The following EPB41L5 variants were observed in gnomAD, a reference collection of about 807,000 sequenced individuals.
EPB41L5 encodes band 4.1-like protein 5.
A neutral mutation model predicts 106.6 loss-of-function variants in EPB41L5; 55 were observed. The ratio of observed to expected loss-of-function variants is 0.52; its 90% CI spans 0.42 to 0.65. The LOEUF (loss-of-function observed/expected upper bound fraction) is 0.65. EPB41L5 is among the 30% of genes least tolerant of loss of function. The pLI is 0.00. For synonymous variants in EPB41L5, 297 were observed against 306.7 expected (o/e 0.97, Z 0.33); for missense variants, 871 against 882.1 (o/e 0.99, Z 0.16).
chr2:120,031,853 G>A (rs909199673), intron 2 of EPB41L5, among the ~76,000 whole-genome samples: 1 of 152,122 alleles, frequency 6.6e-6, no homozygotes, highest in African/African-American at 2.4e-5. Context: ...TTCATTAGAA[G>A]GGCGCAGTGT....
rs1687926106 is a variant in EPB41L5, at chr2:120,176,577, C to T, written c.*1670C>T. 1 of 152,242 alleles carries T rather than the reference C, an allele frequency of 6.6e-6. No homozygotes were observed. The highest frequency in any genetic ancestry group is 2.1e-4 in the South Asian group (1 of 4,834). 9.4% of individuals were successfully genotyped at this position (152,242 alleles called of 1,614,324 possible). A position where few individuals can be genotyped will look rare whatever the true frequency, so the allele number is the denominator to read the frequency against. ...GTCAACACTTCTTGCTGGCTGCCTC[C>T]CCTTAGCCATTATGCTAAAAACAGC... is the stretch of plus-strand genomic sequence containing the variant. On this transcript the variant is annotated 3_prime_UTR_variant, in exon 25 of 25. Transcript: ENST00000263713.
chr2:120,145,464 T>C (rs1293748491), intron 19 of EPB41L5, among the ~76,000 whole-genome samples: 2 of 152,208 alleles, frequency 1.3e-5, no homozygotes, highest in Non-Finnish European at 2.9e-5. Flanking sequence ...ATTCCAATTA[T>C]ATGAAACTGT....
intron 20 of EPB41L5, 179 bp from the exon 21 acceptor site, chr2:120,160,702 G>C (rs529429969): frequency 1.8e-6 from 1 of 564,090 alleles, no homozygotes; most frequent in East Asian, 2.9e-5. Flanking sequence ...CATTTTAACT[G>C]GAGCGAGATG....
At chr2:120,114,562 A>G (rs1052673717) in intron 16 of EPB41L5, among the ~76,000 whole-genome samples, 2 of 152,196 alleles carry the variant, frequency 1.3e-5, no homozygotes, top group African/African-American at 2.4e-5. Context: ...TAACCCCATC[A>G]TCAGTTGAAG....
chr2:120,146,107 CT>C (rs1686391535), intron 19 of EPB41L5, 117 bp from the exon 20 acceptor site: 2 of 645,786 alleles, frequency 3.1e-6, no homozygotes, highest in Non-Finnish European at 2.8e-6. Context: ...GTATGATTAC[CT>C]CTTATTTTAA....
At chr2:120,077,400 G>C in intron 9 of EPB41L5, 84 bp downstream of exon 9, 1 of 1,175,366 alleles carries the variant, frequency 8.5e-7, no homozygotes, top group Non-Finnish European at 1.2e-6. Flanking sequence ...TATGAGGGAG[G>C]GCATGGAGTT....
intron 16 of EPB41L5, chr2:120,105,636 A>G: frequency 1.0e-6 from 1 of 985,306 alleles, no homozygotes. Context: ...TGGCCACTCA[A>G]AGTATTTAGC....
intron 3 of EPB41L5, among the ~76,000 whole-genome samples, chr2:120,051,717 G>A (rs938910370): frequency 6.6e-6 from 1 of 152,228 alleles, no homozygotes; most frequent in African/African-American, 2.4e-5. Flanking sequence ...AAGCCCCAGT[G>A]AGATGAACCC....
chr2:120,131,566 C>G, intron 17 of EPB41L5, 52 bp from the exon 18 acceptor site: 1 of 1,294,194 alleles, frequency 7.7e-7, no homozygotes, highest in South Asian at 1.2e-5. Context: ...ACACAGCTAG[C>G]TGTGACAGCC....
intron 20 of EPB41L5, 106 bp downstream of exon 20, chr2:120,146,395 T>C (rs182135142): frequency 1.0e-5 from 8 of 765,698 alleles, no homozygotes; most frequent in East Asian, 2.8e-5. Flanking sequence ...GTCTGAAAGA[T>C]AGCTTGAATT....
intron 2 of EPB41L5, 69 bp from the exon 3 acceptor site, chr2:120,041,937 C>A: frequency 1.7e-6 from 2 of 1,187,540 alleles, no homozygotes; most frequent in Non-Finnish European, 2.4e-6. Flanking sequence ...ATAACTAAAA[C>A]CTTCTTTTGT....
intron 3 of EPB41L5, among the ~76,000 whole-genome samples, chr2:120,046,367 T>G (rs1366633172): frequency 1.3e-5 from 2 of 152,222 alleles, no homozygotes; most frequent in East Asian, 1.9e-4. Flanking sequence ...TGTGAGATGG[T>G]ATCTCATTGT....
At chr2:120,117,565 C>G (rs1287560869) in intron 16 of EPB41L5, among the ~76,000 whole-genome samples, 1 of 152,126 alleles carries the variant, frequency 6.6e-6, no homozygotes, top group Non-Finnish European at 1.5e-5. Flanking sequence ...GCCTCACTGA[C>G]AAAGGATCAA....
intron 16 of EPB41L5, chr2:120,106,967 A>G (rs1341134449): frequency 1.1e-6 from 1 of 883,006 alleles, no homozygotes; most frequent in Admixed American, 6.2e-5. Flanking sequence ...ACAAACACTA[A>G]TATTGTAATA....
intron 10 of EPB41L5, among the ~76,000 whole-genome samples, chr2:120,083,473 TG>T (rs1682830327): frequency 6.6e-6 from 1 of 152,192 alleles, no homozygotes; most frequent in African/African-American, 2.4e-5. Context: ...AGAGACAGTT[TG>T]TTATAATTTC....
In EPB41L5 at chr2:120,026,649, G is replaced by A. The variant is rs546441003; in HGVS notation, c.180+7385G>A. On this transcript the variant is annotated intron_variant, in intron 2 of 24. Transcript: ENST00000263713. ...CTCCCAAATTGTTGGGATTACAGGC[G>A]TGAGCCACTGCGCCCGGCCTGGCAC... Among the ~76,000 whole-genome samples, 73 of 152,138 alleles carry A rather than the reference G, an allele frequency of 4.8e-4. No homozygotes were observed. The South Asian group carries it at 7.9e-3, about 16-fold the overall frequency.
intron 16 of EPB41L5, among the ~76,000 whole-genome samples, chr2:120,124,358 T>C (rs1685363168): frequency 6.6e-6 from 1 of 152,200 alleles, no homozygotes; most frequent in African/African-American, 2.4e-5. Context: ...CATTCTTTTA[T>C]TCCTCTCAAC....
chr2:120,170,311 GC>G (rs1687620814), intron 24 of EPB41L5, among the ~76,000 whole-genome samples: 1 of 152,220 alleles, frequency 6.6e-6, no homozygotes, highest in African/African-American at 2.4e-5. Flanking sequence ...ATTTTCTGTG[GC>G]TCAGGAATCT....
At chr2:120,085,702 C>T (rs1284475905) in intron 10 of EPB41L5, among the ~76,000 whole-genome samples, 3 of 152,098 alleles carry the variant, frequency 2.0e-5, no homozygotes, top group Non-Finnish European at 4.4e-5. Context: ...AGTTGAACAC[C>T]TTTACGGTTG....
Sources: allele counts gnomAD v4.1 joint callset (sites outside exome capture counted in the v4.1 genomes callset), GRCh38; gene constraint gnomAD v4.1.1; transcripts MANE v1.5; gene names NCBI Gene and HGNC (gene_info 2026-07-23, HGNC 2026-07-21).